The following NSG2 variants were observed in gnomAD, a reference collection of about 807,000 sequenced individuals.
NSG2 encodes the protein neuronal vesicle trafficking associated 2, also known as neuronal vesicle trafficking-associated protein 2.
NSG2 carries 4 observed loss-of-function variants against 16.9 expected under a neutral mutation model. The observed-to-expected ratio is 0.24, with a 90% CI of 0.12 to 0.54. NSG2 has a LOEUF of 0.54. NSG2 is among the 20% of genes least tolerant of loss of function. The probability of loss-of-function intolerance (pLI) is 0.95; values close to 1 mark genes in which losing one functional copy is unlikely to be tolerated. For synonymous variants in NSG2, 98 were observed against 88.7 expected (o/e 1.11, Z -0.59); for missense variants, 179 against 221.1 (o/e 0.81, Z 1.21).
At chr5:174,083,803 C>T (rs1760540977) in intron 3 of NSG2, among the ~76,000 whole-genome samples, 2 of 152,202 alleles carry the variant, frequency 1.3e-5, no homozygotes, top group Non-Finnish European at 2.9e-5. Flanking sequence ...GTTCTAGGCA[C>T]AGTGACTGCT....
intron 2 of NSG2, among the ~76,000 whole-genome samples, chr5:174,058,524 G>A (rs1484028765): frequency 6.6e-6 from 1 of 152,156 alleles, no homozygotes; most frequent in Non-Finnish European, 1.5e-5. Context: ...AAGAAGAGTG[G>A]TCATGAGCTG....
chr5:174,094,563 T>A (rs1760765885), intron 3 of NSG2, among the ~76,000 whole-genome samples: 1 of 152,162 alleles, frequency 6.6e-6, no homozygotes, highest in Non-Finnish European at 1.5e-5. Flanking sequence ...TGGCCATAGT[T>A]ACCTCAGAGA....
chr5:174,051,121 G>A (rs536898925), intron 2 of NSG2, among the ~76,000 whole-genome samples: 13 of 152,276 alleles, frequency 8.5e-5, no homozygotes, highest in African/African-American at 2.6e-4. Flanking sequence ...TCCCTGGGGG[G>A]CAGTTAGCAA....
At chr5:174,080,390 A>G (rs2113453186) in intron 3 of NSG2, among the ~76,000 whole-genome samples, 2 of 151,162 alleles carry the variant, frequency 1.3e-5, no homozygotes, top group South Asian at 4.2e-4. Flanking sequence ...ATATTTTACT[A>G]CTGTTACTGT....
intron 3 of NSG2, among the ~76,000 whole-genome samples, chr5:174,102,531 C>T (rs1250209073): frequency 6.6e-6 from 1 of 152,108 alleles, no homozygotes; most frequent in Non-Finnish European, 1.5e-5. Flanking sequence ...GACTTCCCTG[C>T]CCCCTTGTAC....
chr5:174,094,697 C>T lies in NSG2; in HGVS notation c.214-9531C>T, dbSNP rs371270939. 3.9e-5 allele frequency among the ~76,000 whole-genome samples: 6 copies of T among 152,316 alleles called. No homozygotes were observed. In the South Asian group the frequency reaches 6.2e-4, roughly 16 times the overall value. ...ACTTCAGGGTCAACTAAGGATTCTTCCAGCATCAGACAAACTATACTTCAG... is the reference window on the plus strand; with the variant it reads ...ACTTCAGGGTCAACTAAGGATTCTTTCAGCATCAGACAAACTATACTTCAG... On this transcript the variant is annotated intron_variant, in intron 3 of 4. Coordinates refer to ENST00000303177, the MANE Select transcript of NSG2 (RefSeq NM_015980.5).
intron 2 of NSG2, among the ~76,000 whole-genome samples, chr5:174,063,485 G>A (rs931668269): frequency 1.3e-5 from 2 of 151,908 alleles, no homozygotes; most frequent in Non-Finnish European, 2.9e-5. Context: ...AAGTGTGTGT[G>A]CAAAGGCTTA....
chr5:174,075,388 T>C lies in NSG2; in HGVS notation c.213+11073T>C, dbSNP rs35882312. On this transcript the variant is annotated intron_variant, in intron 3 of 4. Transcript: ENST00000303177. ...TCTTTTATCTATACCATCTTCCAAA[T>C]TGGGAAACCCTGCACATTTGGGGAA... is the stretch of plus-strand genomic sequence containing the variant. Among the ~76,000 whole-genome samples the C allele has an allele frequency of 7.3e-4, 111 of 152,332 alleles. 2 individuals carry two copies. Among genetic ancestry groups the C allele is most frequent in the South Asian group, 6.0e-3 (29 of 4,830 alleles).
At chr5:174,049,188 A>T (rs1183090649) in intron 2 of NSG2, among the ~76,000 whole-genome samples, 1 of 151,950 alleles carries the variant, frequency 6.6e-6, no homozygotes, top group Non-Finnish European at 1.5e-5. Context: ...AAATACAAAA[A>T]AATTAGCCGG....
At chr5:174,066,190 T>G (rs1760136339) in intron 3 of NSG2, 1 of 456,138 alleles carries the variant, frequency 2.2e-6, no homozygotes. Flanking sequence ...CTTACTTTTT[T>G]ATTGTACTTT....
At chr5:174,049,474 C>T (rs949492287) in intron 2 of NSG2, among the ~76,000 whole-genome samples, 6 of 152,252 alleles carry the variant, frequency 3.9e-5, no homozygotes, top group African/African-American at 1.2e-4. Flanking sequence ...ATCACTCACA[C>T]ATGTGTGCAA....
intron 4 of NSG2, among the ~76,000 whole-genome samples, chr5:174,104,972 T>C (rs533251588): frequency 1.3e-5 from 2 of 152,278 alleles, no homozygotes; most frequent in South Asian, 4.1e-4. Flanking sequence ...TAATGAACTC[T>C]CAACAAATGT....
intron 3 of NSG2, among the ~76,000 whole-genome samples, chr5:174,098,348 C>T (rs750584950): frequency 1.3e-5 from 2 of 152,162 alleles, no homozygotes; most frequent in Non-Finnish European, 2.9e-5. Context: ...CTGTGGGGAG[C>T]TACTGTCTTG....
At chr5:174,064,086 T>C in intron 2 of NSG2, 146 bp from the exon 3 acceptor site, 2 of 533,452 alleles carry the variant, frequency 3.7e-6, no homozygotes, top group Non-Finnish European at 6.6e-6. Flanking sequence ...ATGAGTAACT[T>C]GAATTTTCTC....
At chr5:174,098,148 C>T (rs1367099948) in intron 3 of NSG2, among the ~76,000 whole-genome samples, 1 of 152,118 alleles carries the variant, frequency 6.6e-6, no homozygotes, top group African/African-American at 2.4e-5. Context: ...AGATGTTCTC[C>T]TTGCTGAGGA....
intron 3 of NSG2, among the ~76,000 whole-genome samples, chr5:174,103,370 A>G (rs558252240): frequency 6.6e-6 from 1 of 152,300 alleles, no homozygotes; most frequent in Non-Finnish European, 1.5e-5. Flanking sequence ...AGTGACTGCA[A>G]ATGTGAAATT....
At chr5:174,079,548 G>T (rs1225193957) in intron 3 of NSG2, among the ~76,000 whole-genome samples, 2 of 152,128 alleles carry the variant, frequency 1.3e-5, no homozygotes, top group African/African-American at 2.4e-5. Flanking sequence ...GAGCCACCAT[G>T]CCTGGCCATG....
chr5:174,105,547 A>T (rs1182168484), intron 4 of NSG2, among the ~76,000 whole-genome samples: 1 of 152,236 alleles, frequency 6.6e-6, no homozygotes, highest in Non-Finnish European at 1.5e-5. Flanking sequence ...GAACCTGGAG[A>T]CTACTGAACG....
intron 2 of NSG2, among the ~76,000 whole-genome samples, chr5:174,063,455 C>A (rs1162654854): frequency 6.6e-6 from 1 of 152,192 alleles, no homozygotes; most frequent in South Asian, 2.1e-4. Context: ...TCTCACAAGT[C>A]CCCAAATCAA....
Sources: allele counts gnomAD v4.1 joint callset (sites outside exome capture counted in the v4.1 genomes callset), GRCh38; gene constraint gnomAD v4.1.1; transcripts MANE v1.5; gene names NCBI Gene and HGNC (gene_info 2026-07-23, HGNC 2026-07-21).